Variants in CMC2 observed in about 807,000 individuals in gnomAD.
CMC2 encodes C-X9-C motif containing 2, also known as COX assembly mitochondrial protein 2 homolog.
CMC2 carries 5 observed loss-of-function variants against 7.5 expected under a neutral mutation model. That is an observed-to-expected ratio of 0.66 (90% confidence interval 0.35 to 1.40). The LOEUF is 1.40. CMC2 is among the 40% of genes most tolerant of loss of function. CMC2 has a pLI of 0.04. For missense variants in CMC2, 115 were observed against 92.3 expected (o/e 1.25, Z -1.01); for synonymous variants, 37 against 31.4 (o/e 1.18, Z -0.60).
intron 2 of CMC2, among the ~76,000 whole-genome samples, chr16:80,995,499 TA>T (rs1269098830): frequency 6.6e-6 from 1 of 151,656 alleles, no homozygotes; most frequent in African/African-American, 2.4e-5. Context: ...CTACTAAAGA[TA>T]AAAAAAATTA....
chr16:80,996,163 G>A (rs1469125), intron 2 of CMC2, among the ~76,000 whole-genome samples: 99,155 of 152,000 alleles, frequency 0.65, 34,101 homozygotes, highest in Middle Eastern at 0.8. Context: ...TAAATATGAT[G>A]CGATAATATC....
In CMC2 at chr16:80,975,013, C is replaced by G. The variant is rs1912176161; in HGVS notation, c.*1080G>C. The G allele has an allele frequency of 6.6e-6, 1 of 152,256 alleles. No homozygotes were observed. The highest frequency in any genetic ancestry group is 1.5e-5 in the Non-Finnish European group (1 of 68,056). The allele number at this position is 152,256 out of a possible 1,614,324, so 9.4% of individuals were successfully genotyped here. A position where few individuals can be genotyped will look rare whatever the true frequency, so the allele number is the denominator to read the frequency against. On this transcript the variant is annotated 3_prime_UTR_variant, in exon 4 of 4. Transcript: ENST00000219400. ...GAACTCCACTAGAAGGAGCTCACAG[C>G]TGAGTCTGTTCCCTGACACCTGACA...
At chr16:80,986,833 T>C (rs1044784091) in intron 2 of CMC2, among the ~76,000 whole-genome samples, 4 of 152,242 alleles carry the variant, frequency 2.6e-5, no homozygotes, top group African/African-American at 9.6e-5. Context: ...AAGTCCACTA[T>C]CTAGCTGAGA....
In CMC2 at chr16:80,967,234, C is replaced by G. The variant is rs967759006; in HGVS notation, c.*8859G>C. 8.5e-5 allele frequency: 13 copies of G among 152,346 alleles called. No individual in the cohort carries two copies. The highest frequency in any genetic ancestry group is 2.9e-4 in the African/African-American group (12 of 41,584). The allele number at this position is 152,346 out of a possible 1,614,324, so 9.4% of individuals were successfully genotyped here. A position where few individuals can be genotyped will look rare whatever the true frequency, so the allele number is the denominator to read the frequency against. ...AACTTGCTCATAAATTATCTGCTAG[C>G]TTAACTAAAATTTTAGCAGATAAAG... On this transcript the variant is annotated 3_prime_UTR_variant, in exon 4 of 4. Transcript: ENST00000219400.
intron 3 of CMC2, among the ~76,000 whole-genome samples, chr16:80,981,296 A>T (rs1320073821): frequency 6.6e-6 from 1 of 152,186 alleles, no homozygotes; most frequent in Admixed American, 6.5e-5. Flanking sequence ...CCCAAGTCCA[A>T]GTTGTGCCCT....
chr16:80,999,043 G>C (rs1968644601), intron 1 of CMC2: 1 of 152,130 alleles, frequency 6.6e-6, no homozygotes, highest in Admixed American at 6.6e-5. Context: ...AAGGGAACAG[G>C]ATGCCCGCTC....
intron 1 of CMC2, chr16:80,998,770 A>C (rs952521138): frequency 5.3e-5 from 8 of 152,208 alleles, no homozygotes. Context: ...AGCCAGTCAA[A>C]AAACATATAT....
At chr16:80,985,240 T>C (rs74999767) in intron 2 of CMC2, among the ~76,000 whole-genome samples, 9 of 152,182 alleles carry the variant, frequency 5.9e-5, no homozygotes, top group East Asian at 3.8e-4. Context: ...AGGTCAAAAC[T>C]ATCTTCTCAA....
rs1390628187 is a variant in CMC2 at position 80,969,275 on chromosome 16, T to C, written c.*6818A>G. 1.3e-5 allele frequency: 2 copies of C among 152,316 alleles called. No individual in the cohort carries two copies. Among genetic ancestry groups the C allele is most frequent in the Non-Finnish European group, 2.9e-5 (2 of 68,090 alleles). 9.4% of individuals were successfully genotyped at this position (152,316 alleles called of 1,614,324 possible). On this transcript the variant is annotated 3_prime_UTR_variant, in exon 4 of 4. Transcript: ENST00000219400. ...AGAGCATCAAGAGCCAGAGGAGTCC[T>C]GGGAGGTCTCAGCATCGATGTGGAA...
In CMC2 at chr16:80,981,840, A is replaced by G; in HGVS notation, c.119T>C (p.Val40Ala). ...ILKFFGYCND[V>A]DRELRKCLKN... ...CAGGCATTTTCTCAACTCCCGATCA[A>G]CATCATTACAATAACCAAAAAATTT... Residue 40 changes from valine (V) to alanine (A), a missense_variant, in exon 3 of 4, where the codon GTT (valine) becomes GCT (alanine). By Grantham distance (64) the Val-to-Ala change is moderately conservative. Coordinates refer to ENST00000219400, the MANE Select transcript of CMC2 (RefSeq NM_020188.5). 5 of 1,611,278 alleles carry G rather than the reference A, an allele frequency of 3.1e-6. No individual in the cohort carries two copies. The highest frequency in any genetic ancestry group is 4.2e-6 in the Non-Finnish European group (5 of 1,178,302).
intron 1 of CMC2, among the ~76,000 whole-genome samples, chr16:81,000,348 T>C (rs941410436): frequency 1.3e-5 from 2 of 151,952 alleles, no homozygotes; most frequent in African/African-American, 2.4e-5. Flanking sequence ...ATGCAAAAAT[T>C]AGCCGGGTGT....
Position 80,972,749 on chromosome 16 carries a change from A to T in CMC2, c.*3344T>A, listed in dbSNP as rs1219302835. 1 of 152,166 alleles carries T rather than the reference A, an allele frequency of 6.6e-6. No individual in the cohort carries two copies. Among genetic ancestry groups the T allele is most frequent in the African/African-American group, 2.4e-5 (1 of 41,436 alleles). The allele number at this position is 152,166 out of a possible 1,614,324, so 9.4% of individuals were successfully genotyped here. A position where few individuals can be genotyped will look rare whatever the true frequency, so the allele number is the denominator to read the frequency against. On this transcript the variant is annotated 3_prime_UTR_variant, in exon 4 of 4. Coordinates refer to ENST00000219400, the MANE Select transcript of CMC2 (RefSeq NM_020188.5). ...ATCGTCTGCAAGTCCACAGTAAGGA[A>T]ATCTCTTCCTTCACTTGGTATCCTG... is the stretch of plus-strand genomic sequence containing the variant.
chr16:81,000,775 G>T (rs898689738), intron 1 of CMC2, among the ~76,000 whole-genome samples: 1 of 152,184 alleles, frequency 6.6e-6, no homozygotes, highest in African/African-American at 2.4e-5. Flanking sequence ...ACCCACTGTG[G>T]AAAGCAGTCT....
intron 1 of CMC2, among the ~76,000 whole-genome samples, chr16:81,001,937 A>G (rs8049565): frequency 0.15 from 22,572 of 152,152 alleles, 2,063 homozygotes; most frequent in East Asian, 0.25. Context: ...AAGAAAATGC[A>G]GCCAAGTTTA....
intron 1 of CMC2, among the ~76,000 whole-genome samples, chr16:81,002,763 C>T (rs1433270917): frequency 2.0e-5 from 3 of 152,238 alleles, no homozygotes; most frequent in East Asian, 1.9e-4. Context: ...AAACGTCTTC[C>T]CTTCTAATTC....
At position 80,994,974 on chromosome 16, in the gene CMC2, C is replaced by T. The variant is rs1030696762; in HGVS notation, c.81+2340G>A. Among the ~76,000 whole-genome samples the T allele has an allele frequency of 3.3e-5, 5 of 151,872 alleles. No homozygotes were observed. The South Asian group carries it at 6.2e-4, about 19-fold the overall frequency. On this transcript the variant is annotated intron_variant, in intron 2 of 3. Transcript: ENST00000219400. The stretch of plus-strand genomic sequence containing the variant: ...CAGCCTGACCAACATAATGAAACCC[C>T]GTCTCTACTAAATATACAAAAATGA...
intron 2 of CMC2, among the ~76,000 whole-genome samples, chr16:80,992,628 C>G (rs1968090307): frequency 6.8e-6 from 1 of 147,448 alleles, no homozygotes; most frequent in Non-Finnish European, 1.5e-5. Context: ...TAAAGGCCAT[C>G]TTTTCTTTTT....
rs182234926 is a variant in CMC2 at position 80,975,912 on chromosome 16, T to C, written c.*181A>G. The C allele has an allele frequency of 3.6e-4, 206 of 572,816 alleles. 1 individual carries two copies. In the African/African-American group the frequency reaches 3.6e-3, roughly 10 times the overall value. The allele number at this position is 572,816 out of a possible 1,614,324, so 35.5% of individuals were successfully genotyped here. A position where few individuals can be genotyped will look rare whatever the true frequency, so the allele number is the denominator to read the frequency against. ...TTTGCTGGTAAAGGGGAGACAGTAC[T>C]AAACGCCCTGCCCAACAAATACTCA... On this transcript the variant is annotated 3_prime_UTR_variant, in exon 4 of 4. Transcript: ENST00000219400.
rs2151622354 is a variant in CMC2, at chr16:80,982,602, A to C, written c.82-725T>G. The C allele has an allele frequency of 2.0e-5, 3 of 152,162 alleles. No individual in the cohort carries two copies. The South Asian group carries it at 6.2e-4, about 32-fold the overall frequency. The allele number at this position is 152,162 out of a possible 1,614,324, so 9.4% of individuals were successfully genotyped here. ...ACATATACAAATTTTAAAAAGATAA[A>C]ATTTATCAAAACTAACACACACACA... On this transcript the variant is annotated intron_variant, in intron 2 of 3. Transcript: ENST00000219400.
Sources: allele counts gnomAD v4.1 joint callset (sites outside exome capture counted in the v4.1 genomes callset), GRCh38; gene constraint gnomAD v4.1.1; transcripts MANE v1.5; gene names NCBI Gene and HGNC (gene_info 2026-07-23, HGNC 2026-07-21).